The following NPHP3 variants were observed in gnomAD, a reference collection of about 807,000 sequenced individuals.
NPHP3 encodes the protein nephrocystin 3.
In NPHP3, 123 loss-of-function variants were observed where a neutral mutation model predicts 171.9. That is an observed-to-expected ratio of 0.72 (90% confidence interval 0.62 to 0.83). The LOEUF (loss-of-function observed/expected upper bound fraction) is 0.83. NPHP3 is among the 40% of genes least tolerant of loss of function. The pLI, the probability that NPHP3 is intolerant of heterozygous loss-of-function variation, is 0.00. For missense variants in NPHP3, 1,506 were observed against 1,591.9 expected (o/e 0.95, Z 0.92); for synonymous variants, 558 against 579.2 (o/e 0.96, Z 0.52).
intron 6 of NPHP3, among the ~76,000 whole-genome samples, chr3:132,712,235 C>T (rs1358026028): frequency 6.6e-6 from 1 of 152,158 alleles, no homozygotes; most frequent in Non-Finnish European, 1.5e-5. Context: ...AATTATGATT[C>T]AACACCTACA....
At chr3:132,697,159 C>T (rs1939475580) in intron 14 of NPHP3, 101 bp downstream of exon 14, 3 of 849,606 alleles carry the variant, frequency 3.5e-6, no homozygotes, top group Non-Finnish European at 6.0e-6. Flanking sequence ...CTCCAGTTTT[C>T]CTTATAACAG....
At chr3:132,717,638 T>C (rs571758718) in intron 3 of NPHP3, among the ~76,000 whole-genome samples, 10 of 152,226 alleles carry the variant, frequency 6.6e-5, no homozygotes, top group Admixed American at 2.6e-4. Context: ...GCCAAGACAA[T>C]TACAATAGTT....
At chr3:132,708,373 G>A (rs993806314) in intron 6 of NPHP3, 116 bp from the exon 7 acceptor site, 55 of 967,788 alleles carry the variant, frequency 5.7e-5, no homozygotes, top group Non-Finnish European at 7.8e-5. Context: ...GCCAGAAAAG[G>A]TCCAACTGCA....
rs556402786 is a variant in NPHP3 at position 132,692,937 on chromosome 3, T to C, written c.2311-119A>G. On this transcript the variant is annotated intron_variant, in intron 16 of 26. Coordinates refer to ENST00000337331, the MANE Select transcript of NPHP3 (RefSeq NM_153240.5). ...TTTTTACCAAAACTTATAATTCAAA[T>C]GATTTAATAAATCAAGAAACAGATT... is the stretch of plus-strand genomic sequence containing the variant. 9.1e-5 allele frequency: 72 copies of C among 793,142 alleles called. 2 individuals are homozygous for C. The South Asian group carries it at 1.1e-3, about 12-fold the overall frequency. 49.1% of individuals were successfully genotyped at this position (793,142 alleles called of 1,614,324 possible).
At chr3:132,714,586 G>A (rs915896284) in intron 5 of NPHP3, among the ~76,000 whole-genome samples, 9 of 151,876 alleles carry the variant, frequency 5.9e-5, no homozygotes, top group East Asian at 1.9e-4. Flanking sequence ...TAAATTAGCC[G>A]TATGTGGTGG....
chr3:132,722,219 C>A lies in NPHP3; in HGVS notation c.137G>T (p.Arg46Leu), dbSNP rs1039884408. 1.1e-5 allele frequency: 17 copies of A among 1,539,098 alleles called. No homozygotes were observed. The Admixed American group carries it at 2.9e-4, about 26-fold the overall frequency. Residue 46 changes from arginine to leucine, a missense_variant, in exon 1 of 27, where the codon CGC becomes CTC. Coordinates refer to ENST00000337331, the MANE Select transcript of NPHP3 (RefSeq NM_153240.5). ...CCCTGCTGCCGCCCCCGCGCCTCGG[C>A]GGAACGAGTTGCGCAGCAGGCGGGC... is the stretch of plus-strand genomic sequence containing the variant. ...PKARLLRNSF[R>L]RGAGAAAGAG... is the part of the protein sequence containing the mutation.
At chr3:132,692,841 A>G (rs780793327) in intron 16 of NPHP3, 23 bp from the exon 17 acceptor site, 186 of 1,608,124 alleles carry the variant, frequency 1.2e-4, no homozygotes, top group Non-Finnish European at 1.5e-4. Flanking sequence ...ACAAATTAAC[A>G]GTAATCATAA....
rs1940247250 is a variant in NPHP3 at position 132,722,116 on chromosome 3, C to T, written c.240G>A (p.Ser80=). 1.2e-6 allele frequency: 2 copies of T among 1,604,912 alleles called. No homozygotes were observed. Among genetic ancestry groups the T allele is most frequent in the Non-Finnish European group, 1.7e-6 (2 of 1,179,334 alleles). The part of the protein sequence containing the change: ...LGASFKSTGS[S]VPELEYAAAE... ...CCGCCGCGTACTCCAGCTCTGGCACCGACGAGCCAGTGGACTTGAAGCTGG... is the reference window on the plus strand; with the variant it reads ...CCGCCGCGTACTCCAGCTCTGGCACTGACGAGCCAGTGGACTTGAAGCTGG... Residue 80 remains serine, a synonymous_variant, in exon 1 of 27, where the codon TCG becomes TCA. Coordinates refer to ENST00000337331, the MANE Select transcript of NPHP3 (RefSeq NM_153240.5).
rs780778474 is a variant in NPHP3 at position 132,697,370 on chromosome 3, G to A, written c.1986-8C>T. 1.9e-6 allele frequency: 3 copies of A among 1,565,702 alleles called. No individual in the cohort carries two copies. The highest frequency in any genetic ancestry group is 4.5e-5 in the East Asian group (2 of 44,532). The stretch of plus-strand genomic sequence containing the variant: ...TGAAGTGTAGGCCACAACCTTTTAT[G>A]TAAAGAAAAGAAAAATGAAATTTTA... On this transcript the variant is annotated splice_region_variant and splice_polypyrimidine_tract_variant and intron_variant, in intron 13 of 26. Coordinates refer to ENST00000337331, the MANE Select transcript of NPHP3 (RefSeq NM_153240.5).
At chr3:132,688,475 T>C (rs1210472128) in intron 21 of NPHP3, among the ~76,000 whole-genome samples, 175 bp downstream of exon 21, 2 of 152,212 alleles carry the variant, frequency 1.3e-5, no homozygotes, top group African/African-American at 4.8e-5. Context: ...CTATCCTTCA[T>C]GCATCTTCAA....
chr3:132,698,216 C>T (rs188432762), intron 13 of NPHP3, among the ~76,000 whole-genome samples: 10 of 151,796 alleles, frequency 6.6e-5, no homozygotes, highest in East Asian at 5.8e-4. Context: ...CCTGACCTCC[C>T]GATCCACCCG....
chr3:132,718,931 T>C (rs1940128932), intron 3 of NPHP3, 63 bp downstream of exon 3: 1 of 1,514,284 alleles, frequency 6.6e-7, no homozygotes, highest in Admixed American at 1.7e-5. Context: ...GAATTCAAAG[T>C]TGGCTCTACA....
chr3:132,692,908 T>C, intron 16 of NPHP3, 90 bp from the exon 17 acceptor site: 1 of 1,054,180 alleles, frequency 9.5e-7, no homozygotes, highest in East Asian at 2.5e-5. Flanking sequence ...TTTAAGGCTA[T>C]TTCTTTTTAC....
chr3:132,700,305 C>G lies in NPHP3; in HGVS notation c.1743+29G>C, dbSNP rs201549475. ...ACAATTTCTGAATCTAAATAAAATTCTGTAATTCCAAAAGATGGGATACTA... is the reference window on the plus strand; with the variant it reads ...ACAATTTCTGAATCTAAATAAAATTGTGTAATTCCAAAAGATGGGATACTA... On this transcript the variant is annotated intron_variant, in intron 11 of 26. Coordinates refer to ENST00000337331, the MANE Select transcript of NPHP3 (RefSeq NM_153240.5). 9.4e-5 allele frequency: 139 copies of G among 1,477,960 alleles called. No individual in the cohort carries two copies. In the Middle Eastern group the frequency reaches 2.4e-3, roughly 26 times the overall value. The allele number at this position is 1,477,960 out of a possible 1,614,324, so 91.6% of individuals were successfully genotyped here.
At position 132,704,453 on chromosome 3, in the gene NPHP3, T is replaced by C. The variant is rs1939695268; in HGVS notation, c.1351-82A>G. ...GGGGTCACCCAGGCCCAAAGTGGGC[T>C]TCACCTACTTTTGGGAGGGCAAGTT... On this transcript the variant is annotated intron_variant, in intron 8 of 26. Coordinates refer to ENST00000337331, the MANE Select transcript of NPHP3 (RefSeq NM_153240.5). 3.4e-6 allele frequency: 5 copies of C among 1,466,000 alleles called. No individual in the cohort carries two copies. In the Admixed American group the frequency reaches 5.0e-5, roughly 15 times the overall value. 90.8% of individuals were successfully genotyped at this position (1,466,000 alleles called of 1,614,324 possible). A position where few individuals can be genotyped will look rare whatever the true frequency, so the allele number is the denominator to read the frequency against.
rs376492280 is a variant in NPHP3, at chr3:132,689,058, G to A, written c.2883+16C>T. ...TCCCACCTGTCTCTGGCTTGCCATT[G>A]ATCTGCTGAGCTTACCTGACTGAGA... On this transcript the variant is annotated intron_variant, in intron 20 of 26. Coordinates refer to ENST00000337331, the MANE Select transcript of NPHP3 (RefSeq NM_153240.5). The A allele has an allele frequency of 2.2e-5, 35 of 1,613,880 alleles. No individual in the cohort carries two copies. The African/African-American group carries it at 4.0e-4, about 18-fold the overall frequency.
chr3:132,697,201 A>G, intron 14 of NPHP3, 59 bp downstream of exon 14: 1 of 1,145,670 alleles, frequency 8.7e-7, no homozygotes, highest in East Asian at 2.3e-5. Flanking sequence ...GTCTCACATA[A>G]GATGTTTCAT....
rs1225281328 is a variant in NPHP3 at position 132,714,548 on chromosome 3, T to A, written c.957+537A>T. ...GCCTAGGCAACACAATGAGTCACTT[T>A]CTCTGCAAAAAAAAAAAATAAATAA... On this transcript the variant is annotated intron_variant, in intron 5 of 26. Transcript: ENST00000337331. Among the ~76,000 whole-genome samples the A allele has an allele frequency of 7.4e-5, 11 of 148,180 alleles. No homozygotes were observed. The East Asian group carries it at 2.4e-3, about 32-fold the overall frequency.
In NPHP3 at chr3:132,719,844, CCTT is replaced by C. The variant is rs766909353; in HGVS notation, c.394-17_394-15del. 6.4e-7 allele frequency: 1 copy of C among 1,556,318 alleles called. No homozygotes were observed. Among genetic ancestry groups the C allele is most frequent in the Non-Finnish European group, 8.7e-7 (1 of 1,144,932 alleles). ...TTTTTGAAGTGCCTAGAATAATTTA[CCTT>C]GTTATTTCCTAACAAAAATAGTCTT... On this transcript the variant is annotated splice_polypyrimidine_tract_variant and intron_variant, in intron 1 of 26. Coordinates refer to ENST00000337331, the MANE Select transcript of NPHP3 (RefSeq NM_153240.5).
Sources: gnomAD v4.1 joint callset for allele counts (sites outside exome capture counted in the v4.1 genomes callset) on GRCh38, gnomAD v4.1.1 for gene constraint, MANE v1.5 for transcripts, NCBI Gene and HGNC (gene_info 2026-07-23, HGNC 2026-07-21) for gene names.